Variants in KIAA0319 observed in about 807,000 individuals in gnomAD.
The protein encoded by KIAA0319 is KIAA0319.
Under a neutral mutation model 108.4 loss-of-function variants are expected in KIAA0319, and 83 were observed. The ratio of observed to expected loss-of-function variants is 0.77; its 90% CI spans 0.64 to 0.92. The LOEUF is 0.92. KIAA0319 is among the 40% of genes least tolerant of loss of function. KIAA0319 has a pLI of 0.00. For missense variants in KIAA0319, 1,195 were observed against 1,322.4 expected (o/e 0.90, Z 1.49); for synonymous variants, 484 against 510.4 (o/e 0.95, Z 0.70).
At chr6:24,605,671 G>A (rs1490478374) in intron 1 of KIAA0319, among the ~76,000 whole-genome samples, 1 of 152,126 alleles carries the variant, frequency 6.6e-6, no homozygotes. Context: ...CATAAACTCT[G>A]CATGGATCAA....
At chr6:24,563,622 T>A in intron 15 of KIAA0319, 104 bp from the exon 16 acceptor site, 1 of 1,060,176 alleles carries the variant, frequency 9.4e-7, no homozygotes, top group Non-Finnish European at 1.3e-6. Flanking sequence ...CCTATGCCAT[T>A]TCTACATTTG....
In KIAA0319 at chr6:24,563,468, G is replaced by T. The variant is rs908493842; in HGVS notation, c.2482C>A (p.Gln828Lys). 10 of 1,613,164 alleles carry T rather than the reference G, an allele frequency of 6.2e-6. No homozygotes were observed. The highest frequency in any genetic ancestry group is 8.5e-6 in the Non-Finnish European group (10 of 1,179,872). The stretch of plus-strand genomic sequence containing the variant: ...GTGTCCTTCCGCTGCTCTGTCAGCT[G>T]CCCAACACCAACCTGCAGGGTCAGC... Reference protein sequence around the residue: ...VELTLQVGVGQLTEQRKDTLV... With the variant: ...VELTLQVGVGKLTEQRKDTLV... Residue 828 changes from glutamine to lysine, a missense_variant, in exon 16 of 21, where the codon CAG becomes AAG. Gln to Lys is a moderately conservative substitution (Grantham distance 53). Coordinates refer to ENST00000378214, the MANE Select transcript of KIAA0319 (RefSeq NM_014809.4).
Position 24,547,027 on chromosome 6 carries a change from T to C in KIAA0319, c.*138A>G. On this transcript the variant is annotated 3_prime_UTR_variant, in exon 21 of 21. Coordinates refer to ENST00000378214, the MANE Select transcript of KIAA0319 (RefSeq NM_014809.4). Reference sequence around the variant, plus strand: ...TTTGTGCCTTCAAAAACCGGTCTTTTAGTACGTGGGGATACACATCTAACC... The same window carrying C: ...TTTGTGCCTTCAAAAACCGGTCTTTCAGTACGTGGGGATACACATCTAACC... 1 of 848,694 alleles carries C rather than the reference T, an allele frequency of 1.2e-6. No individual in the cohort carries two copies. The highest frequency in any genetic ancestry group is 2.5e-5 in the East Asian group (1 of 40,668). The allele number at this position is 848,694 out of a possible 1,614,324, so 52.6% of individuals were successfully genotyped here. A position where few individuals can be genotyped will look rare whatever the true frequency, so the allele number is the denominator to read the frequency against.
intron 3 of KIAA0319, among the ~76,000 whole-genome samples, chr6:24,591,682 C>T (rs1005329108): frequency 5.3e-5 from 8 of 152,300 alleles, no homozygotes; most frequent in Admixed American, 3.3e-4. Flanking sequence ...TCCAATTTCT[C>T]TGCATCCTTA....
At chr6:24,569,009 T>C (rs1370431911) in intron 12 of KIAA0319, 80 bp from the exon 13 acceptor site, 1 of 1,425,986 alleles carries the variant, frequency 7.0e-7, no homozygotes, top group African/African-American at 1.4e-5. Context: ...TGTGCTCTTA[T>C]AAATGTTTTG....
At chr6:24,575,696 G>A (rs993914285) in intron 10 of KIAA0319, among the ~76,000 whole-genome samples, 2 of 151,640 alleles carry the variant, frequency 1.3e-5, no homozygotes, top group African/African-American at 2.4e-5. Context: ...TTGGACTGGT[G>A]AGGCAAAATT....
At chr6:24,553,402 C>T (rs1387458200) in intron 19 of KIAA0319, among the ~76,000 whole-genome samples, 2 of 150,990 alleles carry the variant, frequency 1.3e-5, no homozygotes, top group African/African-American at 2.4e-5. Flanking sequence ...ATAACTCCCA[C>T]GGCCCTTGTT....
chr6:24,570,144 T>C (rs949502082), intron 11 of KIAA0319, 109 bp from the exon 12 acceptor site: 3 of 1,025,988 alleles, frequency 2.9e-6, no homozygotes, highest in Non-Finnish European at 4.3e-6. Flanking sequence ...AGGCAGCCAC[T>C]AGAGTATGCA....
intron 19 of KIAA0319, among the ~76,000 whole-genome samples, chr6:24,552,332 A>G (rs1761632936): frequency 6.6e-6 from 1 of 152,204 alleles, no homozygotes; most frequent in African/African-American, 2.4e-5. Flanking sequence ...ATACAAACAA[A>G]GCACTTAGCC....
intron 14 of KIAA0319, among the ~76,000 whole-genome samples, chr6:24,565,590 T>G (rs1763784047): frequency 6.6e-6 from 1 of 151,388 alleles, no homozygotes; most frequent in African/African-American, 2.4e-5. Context: ...CCATCTCTAC[T>G]AAAACTACAA....
At chr6:24,579,219 GACACCTGTAGTTA>G (rs1353786325) in intron 8 of KIAA0319, among the ~76,000 whole-genome samples, 1 of 151,818 alleles carries the variant, frequency 6.6e-6, no homozygotes, top group Non-Finnish European at 1.5e-5. Flanking sequence ...TATTTACATG[GACACCTGTAGTTA>G]ACACAGGGGC....
intron 8 of KIAA0319, 36 bp from the exon 9 acceptor site, chr6:24,578,278 C>G (rs2127476567): frequency 6.7e-7 from 1 of 1,482,774 alleles, no homozygotes; most frequent in Middle Eastern, 1.8e-4. Context: ...GAATGAAATA[C>G]AAGAAGAGGA....
At position 24,578,676 on chromosome 6, in the gene KIAA0319, A is replaced by C. The variant is rs140273601; in HGVS notation, c.1373-434T>G. Among the ~76,000 whole-genome samples, 443 of 152,328 alleles carry C rather than the reference A, an allele frequency of 2.9e-3. 3 individuals carry two copies. Among genetic ancestry groups the C allele is most frequent in the Middle Eastern group, 0.01 (3 of 294 alleles). ...AACATCTTTTACTACCTTAATTATT[A>C]AGGGGTAAATCCAGAGAAAGCTCAC... On this transcript the variant is annotated intron_variant, in intron 8 of 20. Coordinates refer to ENST00000378214, the MANE Select transcript of KIAA0319 (RefSeq NM_014809.4).
At chr6:24,556,821 A>T (rs1762363417) in intron 17 of KIAA0319, 92 bp from the exon 18 acceptor site, 10 of 1,396,938 alleles carry the variant, frequency 7.2e-6, no homozygotes, top group Non-Finnish European at 8.6e-6. Flanking sequence ...ATAGGTCCCA[A>T]ATAAAAGCAT....
At chr6:24,606,950 G>A (rs1386682657) in intron 1 of KIAA0319, among the ~76,000 whole-genome samples, 6 of 152,214 alleles carry the variant, frequency 3.9e-5, no homozygotes, top group Admixed American at 3.3e-4. Context: ...AAGGAGCTGG[G>A]TCCTTGAAGA....
intron 3 of KIAA0319, among the ~76,000 whole-genome samples, chr6:24,595,563 A>AAAAAAAAAAAAAAAAAAAAAAAAAC (rs1769396703): frequency 7.0e-6 from 1 of 143,000 alleles, no homozygotes; most frequent in African/African-American, 2.6e-5. Flanking sequence ...AAAAAAAAAA[A>AAAAAAAAAAAAAAAAAAAAAAAAAC]AAAAAAACGC....
chr6:24,570,239 T>C (rs901302852), intron 11 of KIAA0319, among the ~76,000 whole-genome samples: 1 of 152,216 alleles, frequency 6.6e-6, no homozygotes, highest in African/African-American at 2.4e-5. Context: ...ACTGCTGTTA[T>C]AGGCAGCCAA....
rs1484621600 is a variant in KIAA0319 at position 24,564,320 on chromosome 6, G to T, written c.2313C>A (p.Asp771Glu). 1 of 1,614,024 alleles carries T rather than the reference G, an allele frequency of 6.2e-7. No homozygotes were observed. The highest frequency in any genetic ancestry group is 1.3e-5 in the African/African-American group (1 of 74,914). Residue 771 changes from aspartate to glutamate, a missense_variant, in exon 15 of 21, where the codon GAC (aspartate) becomes GAA (glutamate). By Grantham distance (45) the Asp-to-Glu change is conservative. Transcript: ENST00000378214. The stretch of plus-strand genomic sequence containing the variant: ...TCGTAAGCTGCAGAGCCACACTGTG[G>T]TCAGAGCCATCGATGACATCCTGCG... ...PAAGDVIDGSDHSVALQLTNL... is the reference protein window; with the variant it reads ...PAAGDVIDGSEHSVALQLTNL...
intron 10 of KIAA0319, among the ~76,000 whole-genome samples, chr6:24,573,194 C>T (rs1289743029): frequency 1.3e-5 from 2 of 152,148 alleles, no homozygotes; most frequent in East Asian, 1.9e-4. Context: ...GTGTAAACTA[C>T]CATAGGCTTT....
Sources: gnomAD v4.1 joint callset for allele counts (sites outside exome capture counted in the v4.1 genomes callset) on GRCh38, gnomAD v4.1.1 for gene constraint, MANE v1.5 for transcripts, NCBI Gene and HGNC (gene_info 2026-07-23, HGNC 2026-07-21) for gene names.